Variants in DNAH9 observed in about 807,000 individuals in gnomAD.
DNAH9 encodes the protein DNAH9 variant protein.
Under a neutral mutation model 471.6 loss-of-function variants are expected in DNAH9, and 345 were observed. That is an observed-to-expected ratio of 0.73 (90% CI 0.67 to 0.80). DNAH9 has a LOEUF of 0.80. Among genes scored for constraint, DNAH9 ranks in the 30% least tolerant of loss-of-function variants. The pLI is 0.00. For synonymous variants in DNAH9, 2,093 were observed against 2,123.6 expected (o/e 0.99, Z 0.40); for missense variants, 5,407 against 5,609.2 (o/e 0.96, Z 1.15).
intron 61 of DNAH9, among the ~76,000 whole-genome samples, chr17:11,915,794 T>C (rs1026793545): frequency 2.6e-5 from 4 of 152,246 alleles, no homozygotes; most frequent in Admixed American, 1.3e-4. Context: ...CATTTGATTC[T>C]CAACTAGAGA....
At chr17:11,654,058 G>A (rs1262043363) in intron 14 of DNAH9, among the ~76,000 whole-genome samples, 1 of 144,390 alleles carries the variant, frequency 6.9e-6, no homozygotes, top group Non-Finnish European at 1.5e-5. Flanking sequence ...GATTTTAAAA[G>A]TTTAAAATCG....
chr17:11,622,317 A>ACTATAAATAATTGATATAG (rs2072884898), intron 6 of DNAH9, among the ~76,000 whole-genome samples: 1 of 152,234 alleles, frequency 6.6e-6, no homozygotes. Flanking sequence ...CTTCATCAGG[A>ACTATAAATAATTGATATAG]TCACAGAGAC....
At chr17:11,666,955 A>G (rs1268291106) in intron 15 of DNAH9, among the ~76,000 whole-genome samples, 1 of 152,166 alleles carries the variant, frequency 6.6e-6, no homozygotes, top group Non-Finnish European at 1.5e-5. Context: ...CAAACCCTGC[A>G]TAGGTTATAT....
At chr17:11,797,899 T>A (rs1276067560) in intron 43 of DNAH9, 106 bp downstream of exon 43, 13 of 1,170,092 alleles carry the variant, frequency 1.1e-5, no homozygotes, top group Admixed American at 2.6e-5. Flanking sequence ...GGTAAGGAGC[T>A]CCGGCTTCTG....
rs1969291236 is a variant in DNAH9 at position 11,797,660 on chromosome 17, A to G, written c.8287A>G (p.Ile2763Val). Residue 2763 changes from isoleucine (I) to valine (V), a missense_variant, in exon 43 of 69, where the codon ATT (isoleucine) becomes GTT (valine). By Grantham distance (29) the Ile-to-Val change is conservative (BLOSUM62 3). Transcript: ENST00000262442. ...CCTGTATTGTCACTTTGCAAATGGTATTGGGGAGCCCAAATACATGCCTGT... is the reference window on the plus strand; with the variant it reads ...CCTGTATTGTCACTTTGCAAATGGTGTTGGGGAGCCCAAATACATGCCTGT... ...PNLYCHFANG[I>V]GEPKYMPVQS... 6.2e-7 allele frequency: 1 copy of G among 1,614,202 alleles called. No homozygotes were observed. Among genetic ancestry groups the G allele is most frequent in the South Asian group, 1.1e-5 (1 of 91,088 alleles).
intron 58 of DNAH9, among the ~76,000 whole-genome samples, chr17:11,893,313 C>T (rs1973117194): frequency 6.6e-6 from 1 of 152,160 alleles, no homozygotes; most frequent in Non-Finnish European, 1.5e-5. Flanking sequence ...ATTTCCTACT[C>T]CATGGAACGT....
intron 67 of DNAH9, among the ~76,000 whole-genome samples, chr17:11,949,665 G>A (rs1432391102): frequency 6.6e-6 from 1 of 152,114 alleles, no homozygotes; most frequent in Non-Finnish European, 1.5e-5. Context: ...ATTTTCAGTA[G>A]AGAGGGGGTT....
chr17:11,716,746 C>T (rs1472218516), intron 26 of DNAH9, among the ~76,000 whole-genome samples: 1 of 152,208 alleles, frequency 6.6e-6, no homozygotes, highest in Non-Finnish European at 1.5e-5. Flanking sequence ...GAAAAGAGGC[C>T]TGTGATGCAC....
chr17:11,961,796 T>C, intron 67 of DNAH9, 71 bp from the exon 68 acceptor site: 1 of 1,514,744 alleles, frequency 6.6e-7, no homozygotes, highest in Non-Finnish European at 8.9e-7. Context: ...GAGCCAGGGG[T>C]CTCTGAGGCC....
chr17:11,834,534 C>A, intron 48 of DNAH9, 104 bp from the exon 49 acceptor site: 2 of 1,375,816 alleles, frequency 1.5e-6, no homozygotes, highest in Non-Finnish European at 2.0e-6. Flanking sequence ...TTCTGCTCCA[C>A]AGAGTTGGGT....
intron 55 of DNAH9, chr17:11,882,883 A>G: frequency 3.1e-6 from 3 of 968,204 alleles, no homozygotes; most frequent in Non-Finnish European, 3.7e-6. Context: ...TCCTGGTCTT[A>G]AGGCAGGATC....
chr17:11,812,225 A>G (rs552922257), intron 45 of DNAH9, among the ~76,000 whole-genome samples: 48 of 151,248 alleles, frequency 3.2e-4, no homozygotes, highest in African/African-American at 1.1e-3. Flanking sequence ...GAAAACAGTC[A>G]GTGTACAAAT....
intron 50 of DNAH9, among the ~76,000 whole-genome samples, chr17:11,860,560 G>A (rs560837066): frequency 6.6e-6 from 1 of 151,440 alleles, no homozygotes; most frequent in Admixed American, 6.6e-5. Flanking sequence ...TTTGTTTTTT[G>A]TTGTTTGTTG....
chr17:11,923,818 A>G lies in DNAH9; in HGVS notation c.11754A>G (p.Arg3918=), dbSNP rs949629884. 1 of 1,613,836 alleles carries G rather than the reference A, an allele frequency of 6.2e-7. No homozygotes were observed. The highest frequency in any genetic ancestry group is 8.5e-7 in the Non-Finnish European group (1 of 1,179,856). ...DPLKDVESQG[R]KLGYTFNNQN... ...ACGCCTCCATCCTCCTTTTAGGAAGAAAACTTGGATACACCTTCAACAATC... is the reference window on the plus strand; with the variant it reads ...ACGCCTCCATCCTCCTTTTAGGAAGGAAACTTGGATACACCTTCAACAATC... The change falls in exon 62 of 69, where the codon AGA becomes AGG. Residue 3918 remains arginine (R), a synonymous_variant. Coordinates refer to ENST00000262442, the MANE Select transcript of DNAH9 (RefSeq NM_001372.4).
At position 11,679,832 on chromosome 17, in the gene DNAH9, A is replaced by G; in HGVS notation, c.3429A>G (p.Gln1143=). The change falls in exon 18 of 69, where the codon CAA becomes CAG. Residue 1143 remains glutamine, a synonymous_variant. Transcript: ENST00000262442. The part of the protein sequence containing the change: ...LLKKVEKGDF[Q]GLVEIMGHLM... Reference sequence around the variant, plus strand: ...AGAAAGTTGAAAAAGGAGATTTCCAAGGCTTGGTTGAGATCATGGGACACC... The same window carrying G: ...AGAAAGTTGAAAAAGGAGATTTCCAGGGCTTGGTTGAGATCATGGGACACC... 6.2e-7 allele frequency: 1 copy of G among 1,614,176 alleles called. No individual in the cohort carries two copies. The highest frequency in any genetic ancestry group is 8.5e-7 in the Non-Finnish European group (1 of 1,180,018).
intron 17 of DNAH9, among the ~76,000 whole-genome samples, 192 bp downstream of exon 17, chr17:11,669,986 G>T (rs962153738): frequency 6.6e-6 from 1 of 152,106 alleles, no homozygotes. Context: ...ACCAGATAAG[G>T]CCTCTTTGTT....
At chr17:11,801,255 A>G (rs1969447639) in intron 43 of DNAH9, among the ~76,000 whole-genome samples, 2 of 152,150 alleles carry the variant, frequency 1.3e-5, no homozygotes, top group Non-Finnish European at 2.9e-5. Flanking sequence ...CCATCATCCT[A>G]TGAAGCTTCT....
intron 68 of DNAH9, among the ~76,000 whole-genome samples, chr17:11,964,214 T>C (rs936303364): frequency 2.6e-5 from 4 of 152,132 alleles, no homozygotes; most frequent in Admixed American, 2.6e-4. Flanking sequence ...ACCTGAACAT[T>C]TGCACAAGAT....
intron 50 of DNAH9, among the ~76,000 whole-genome samples, chr17:11,868,791 C>T (rs1972154516): frequency 6.6e-6 from 1 of 151,978 alleles, no homozygotes; most frequent in Admixed American, 6.6e-5. Flanking sequence ...ATGTATGCAC[C>T]CTTCCCCCCA....
Sources: allele counts gnomAD v4.1 joint callset (sites outside exome capture counted in the v4.1 genomes callset), GRCh38; gene constraint gnomAD v4.1.1; transcripts MANE v1.5; gene names NCBI Gene and HGNC (gene_info 2026-07-23, HGNC 2026-07-21).